MEGF11: variants seen among roughly 807,000 people sequenced by gnomAD.
The protein encoded by MEGF11 is multiple epidermal growth factor-like domains protein 11.
In MEGF11, 126 loss-of-function variants were observed where a neutral mutation model predicts 146.6. That is an observed-to-expected ratio of 0.86 (90% CI 0.74 to 1.00). The LOEUF is 1.00. MEGF11 is among the 50% of genes least tolerant of loss of function. MEGF11 has a pLI of 0.00. For synonymous variants in MEGF11, 532 were observed against 583.4 expected (o/e 0.91, Z 1.27); for missense variants, 1,509 against 1,521.2 (o/e 0.99, Z 0.13).
chr15:66,143,199 C>T (rs1171992950), intron 1 of MEGF11, among the ~76,000 whole-genome samples: 3 of 152,206 alleles, frequency 2.0e-5, no homozygotes, highest in South Asian at 2.1e-4. Context: ...GAACTGAAGA[C>T]GGTGGTGGTG....
At chr15:66,244,572 C>G (rs1392409463) in intron 1 of MEGF11, among the ~76,000 whole-genome samples, 2 of 152,136 alleles carry the variant, frequency 1.3e-5, no homozygotes, top group African/African-American at 2.4e-5. Context: ...CACTCCTCTC[C>G]TGCTGGCTGA....
At chr15:66,149,938 G>A (rs947755360) in intron 1 of MEGF11, among the ~76,000 whole-genome samples, 2 of 152,224 alleles carry the variant, frequency 1.3e-5, no homozygotes, top group Non-Finnish European at 2.9e-5. Context: ...GTGGCCTTGG[G>A]CCTAGAAGAA....
chr15:65,917,883 A>T, intron 16 of MEGF11, 83 bp downstream of exon 16: 1 of 1,560,554 alleles, frequency 6.4e-7, no homozygotes, highest in African/African-American at 1.3e-5. Context: ...TGGAGGCACC[A>T]GGACAGAGAG....
chr15:65,918,160 C>T (rs2079063481), intron 15 of MEGF11, 66 bp from the exon 16 acceptor site: 1 of 1,599,178 alleles, frequency 6.3e-7, no homozygotes, highest in Non-Finnish European at 8.5e-7. Context: ...CACCCACAGC[C>T]TCATCCCTAG....
intron 5 of MEGF11, among the ~76,000 whole-genome samples, chr15:66,063,563 A>G (rs1354071855): frequency 6.6e-6 from 1 of 152,168 alleles, no homozygotes; most frequent in African/African-American, 2.4e-5. Context: ...CTGCAGGAGC[A>G]CCTACTGAGT....
chr15:65,984,317 A>G (rs551620456), intron 5 of MEGF11, among the ~76,000 whole-genome samples: 292 of 152,126 alleles, frequency 1.9e-3, no homozygotes, highest in African/African-American at 6.5e-3. Context: ...CTTGAGCTCA[A>G]GAGTTCAAGA....
At chr15:65,927,790 G>A (rs1462417137) in intron 13 of MEGF11, among the ~76,000 whole-genome samples, 1 of 152,222 alleles carries the variant, frequency 6.6e-6, no homozygotes, top group Non-Finnish European at 1.5e-5. Flanking sequence ...TGAACAGAGT[G>A]AGGTGGAGTC....
intron 5 of MEGF11, among the ~76,000 whole-genome samples, chr15:66,065,333 G>C (rs2085078646): frequency 6.6e-6 from 1 of 151,966 alleles, no homozygotes; most frequent in South Asian, 2.1e-4. Context: ...TTTATCTCCA[G>C]GAGCAAATAA....
intron 5 of MEGF11, among the ~76,000 whole-genome samples, chr15:66,015,322 T>C (rs2082850626): frequency 1.3e-5 from 2 of 152,246 alleles, no homozygotes; most frequent in South Asian, 4.1e-4. Flanking sequence ...GCTCTGATGA[T>C]GCAAAAGTTG....
intron 24 of MEGF11, among the ~76,000 whole-genome samples, chr15:65,904,134 A>G (rs755028255): frequency 2.6e-5 from 4 of 152,224 alleles, no homozygotes; most frequent in Non-Finnish European, 5.9e-5. Context: ...GTACAGGACA[A>G]CACAGTGCAT....
intron 1 of MEGF11, among the ~76,000 whole-genome samples, chr15:66,209,843 T>C (rs986996940): frequency 8.6e-5 from 13 of 151,676 alleles, no homozygotes; most frequent in African/African-American, 2.9e-4. Flanking sequence ...TTTTTTTTTT[T>C]CCTCTCTTCT....
intron 17 of MEGF11, 55 bp from the exon 18 acceptor site, chr15:65,916,331 GA>G: frequency 6.6e-7 from 1 of 1,524,008 alleles, no homozygotes; most frequent in Non-Finnish European, 8.8e-7. Flanking sequence ...GGACAAGGGG[GA>G]CAGCAGGAAC....
At chr15:65,911,048 A>G (rs540975510) in intron 21 of MEGF11, among the ~76,000 whole-genome samples, 12 of 152,226 alleles carry the variant, frequency 7.9e-5, no homozygotes, top group African/African-American at 2.6e-4. Context: ...TGTATTATCT[A>G]CACATAGGTG....
chr15:66,149,538 C>T (rs2141030792), intron 1 of MEGF11, among the ~76,000 whole-genome samples: 1 of 152,294 alleles, frequency 6.6e-6, no homozygotes, highest in South Asian at 2.1e-4. Flanking sequence ...CACCCCCCTC[C>T]ACCTCCCCAG....
Position 65,913,632 on chromosome 15 carries a change from G to A in MEGF11, c.2710+105C>T. The A allele has an allele frequency of 7.1e-6, 7 of 979,522 alleles. No individual in the cohort carries two copies. In the South Asian group the frequency reaches 9.0e-5, roughly 13 times the overall value. The allele number at this position is 979,522 out of a possible 1,614,324, so 60.7% of individuals were successfully genotyped here. A position where few individuals can be genotyped will look rare whatever the true frequency, so the allele number is the denominator to read the frequency against. ...CCCCACTGTCACTCTAGGGGAGACT[G>A]AGCTTCCACATTCAGCCACAGCAGC... On this transcript the variant is annotated intron_variant, in intron 20 of 25. Transcript: ENST00000395614.
chr15:66,212,765 C>T (rs1567285979), intron 1 of MEGF11, among the ~76,000 whole-genome samples: 1 of 139,660 alleles, frequency 7.2e-6, no homozygotes, highest in Non-Finnish European at 1.5e-5. Context: ...GCACAGAGTC[C>T]CCACTGCCAG....
At chr15:66,055,750 T>C (rs1383501846) in intron 5 of MEGF11, among the ~76,000 whole-genome samples, 3 of 152,166 alleles carry the variant, frequency 2.0e-5, no homozygotes, top group Non-Finnish European at 4.4e-5. Context: ...TAAATCACAA[T>C]GGTGGGAAGC....
At chr15:65,968,663 G>C (rs924826238) in intron 8 of MEGF11, among the ~76,000 whole-genome samples, 23 of 152,120 alleles carry the variant, frequency 1.5e-4, no homozygotes, top group Non-Finnish European at 1.9e-4. Flanking sequence ...CTAATAATGG[G>C]GCCTGCGGAA....
At chr15:66,099,010 T>G (rs1458723246) in intron 4 of MEGF11, among the ~76,000 whole-genome samples, 1 of 152,176 alleles carries the variant, frequency 6.6e-6, no homozygotes, top group Non-Finnish European at 1.5e-5. Flanking sequence ...TTAATTGCTG[T>G]GGCCACATTG....
Sources: gnomAD v4.1 joint callset for allele counts (sites outside exome capture counted in the v4.1 genomes callset) on GRCh38, gnomAD v4.1.1 for gene constraint, MANE v1.5 for transcripts, NCBI Gene and HGNC (gene_info 2026-07-23, HGNC 2026-07-21) for gene names.